ANK3: variants seen among roughly 807,000 people sequenced by gnomAD.
ANK3 encodes ankyrin 3.
In ANK3, 57 loss-of-function variants were observed where a neutral mutation model predicts 370.9. The ratio of observed to expected loss-of-function variants is 0.15; its 90% CI spans 0.12 to 0.19. The LOEUF (loss-of-function observed/expected upper bound fraction) is 0.19. Ranked by LOEUF, ANK3 falls within the 10% of genes least tolerant of loss-of-function variation. The probability of loss-of-function intolerance (pLI) is 1.00; values close to 1 mark genes in which losing one functional copy is unlikely to be tolerated. For synonymous variants in ANK3, 1,929 were observed against 1,946.3 expected, an observed-to-expected ratio of 0.99 and a Z score of 0.23; for missense variants, 4,439 against 5,302.1, an observed-to-expected ratio of 0.84 and a Z score of 5.06.
At chr10:60,676,295 A>G (rs1463691143) in intron 1 of ANK3, among the ~76,000 whole-genome samples, 1 of 152,170 alleles carries the variant, frequency 6.6e-6, no homozygotes, top group Non-Finnish European at 1.5e-5. Context: ...ACTAATAGAA[A>G]TTGGCTTAAA....
intron 38 of ANK3, among the ~76,000 whole-genome samples, chr10:60,067,204 A>G (rs1469390222): frequency 6.6e-6 from 1 of 152,190 alleles, no homozygotes; most frequent in Non-Finnish European, 1.5e-5. Context: ...TGAATTTTAT[A>G]GAATTCAACT....
At position 60,114,632 on chromosome 10, in the gene ANK3, CAT is replaced by C. The variant is rs375568226; in HGVS notation, c.2842-303_2842-302del. Among the ~76,000 whole-genome samples the C allele has an allele frequency of 5.1e-4, 77 of 152,328 alleles. 1 individual carries two copies. In the East Asian group the frequency reaches 8.3e-3, roughly 16 times the overall value. On this transcript the variant is annotated intron_variant, in intron 25 of 43. Transcript: ENST00000280772. ...TTTTAAGCACATGTCACATTTTCAA[CAT>C]GTCTTCAAATTAATCCTATAACAAC...
chr10:60,074,646 G>A lies in ANK3; in HGVS notation c.6235C>T (p.Leu2079Phe). Residue 2079 changes from leucine to phenylalanine, a missense_variant, in exon 37 of 44, where the codon CTC becomes TTC. By Grantham distance (22) the Leu-to-Phe change is conservative. Coordinates refer to ENST00000280772, the MANE Select transcript of ANK3 (RefSeq NM_020987.5). ...CTCATGGAGGCTGGAGGCATTTTGA[G>A]TTTGTGTTCCTGCAAAGCAATTGCT... ...KPAIALQEHK[L>F]KMPPASMRTS... The A allele has an allele frequency of 1.2e-6, 2 of 1,613,948 alleles. No homozygotes were observed. Among genetic ancestry groups the A allele is most frequent in the Non-Finnish European group, 1.7e-6 (2 of 1,179,960 alleles).
intron 2 of ANK3, among the ~76,000 whole-genome samples, chr10:60,548,155 A>C (rs998317709): frequency 1.3e-5 from 2 of 151,682 alleles, no homozygotes; most frequent in African/African-American, 4.8e-5. Flanking sequence ...AAATATCAAA[A>C]TACCTGTCTT....
intron 2 of ANK3, among the ~76,000 whole-genome samples, chr10:60,435,305 A>G (rs2064129468): frequency 6.6e-6 from 1 of 152,196 alleles, no homozygotes; most frequent in Non-Finnish European, 1.5e-5. Flanking sequence ...TACATTGGAA[A>G]TAATAATCCA....
chr10:60,626,088 A>T (rs1045163998), intron 1 of ANK3, among the ~76,000 whole-genome samples: 2 of 152,144 alleles, frequency 1.3e-5, no homozygotes, highest in Admixed American at 1.3e-4. Context: ...AATCCTCTGG[A>T]GCCCTTCTCA....
intron 16 of ANK3, among the ~76,000 whole-genome samples, chr10:60,192,668 T>C (rs1264296474): frequency 2.6e-5 from 4 of 152,148 alleles, no homozygotes; most frequent in African/African-American, 9.7e-5. Context: ...AAGAGTGGAA[T>C]AATAGACATT....
chr10:60,243,486 C>T (rs565347694), intron 7 of ANK3, among the ~76,000 whole-genome samples: 100 of 152,262 alleles, frequency 6.6e-4, no homozygotes, highest in African/African-American at 2.3e-3. Flanking sequence ...AAGGCCCTCA[C>T]CAGATGCAGC....
intron 2 of ANK3, among the ~76,000 whole-genome samples, chr10:60,484,541 A>AT (rs2075302594): frequency 6.6e-6 from 1 of 151,508 alleles, no homozygotes; most frequent in South Asian, 2.1e-4. Flanking sequence ...GGTTCATTAC[A>AT]TTATTCTCTG....
chr10:60,407,132 C>A (rs2063472260), intron 2 of ANK3, among the ~76,000 whole-genome samples: 1 of 152,200 alleles, frequency 6.6e-6, no homozygotes, highest in South Asian at 2.1e-4. Flanking sequence ...CTCTTTCTCA[C>A]ACTAAACTAG....
intron 2 of ANK3, among the ~76,000 whole-genome samples, chr10:60,550,771 T>C (rs1319232107): frequency 6.6e-6 from 1 of 152,126 alleles, no homozygotes; most frequent in Admixed American, 6.6e-5. Context: ...ATTGCTATAA[T>C]GAAGTGAATT....
chr10:60,579,232 G>A (rs1297519381), intron 2 of ANK3, among the ~76,000 whole-genome samples: 1 of 150,980 alleles, frequency 6.6e-6, no homozygotes, highest in African/African-American at 2.4e-5. Flanking sequence ...GGCTGAGGCA[G>A]GAGAATCGCT....
intron 29 of ANK3, among the ~76,000 whole-genome samples, chr10:60,087,823 AT>A (rs2087095863): frequency 6.6e-6 from 1 of 152,184 alleles, no homozygotes; most frequent in Admixed American, 6.5e-5. Context: ...ACTATAACTG[AT>A]TTTTATGATG....
Position 60,068,712 on chromosome 10 carries a change from T to C in ANK3, c.12169A>G (p.Lys4057Glu), listed in dbSNP as rs1564743518. 1 of 1,614,110 alleles carries C rather than the reference T, an allele frequency of 6.2e-7. No individual in the cohort carries two copies. The highest frequency in any genetic ancestry group is 8.5e-7 in the Non-Finnish European group (1 of 1,179,982). ...TTTAAAGGTGCTGCCTCTGTTTTCTTATCTCTAGCAGACTTCGTTGTAACC... is the reference window on the plus strand; with the variant it reads ...TTTAAAGGTGCTGCCTCTGTTTTCTCATCTCTAGCAGACTTCGTTGTAACC... ...PSVTTKSARD[K>E]KTEAAPLKSK... The change falls in exon 37 of 44, where the codon AAG becomes GAG. Residue 4057 changes from lysine (K) to glutamate (E), a missense_variant. Transcript: ENST00000280772.
At chr10:60,613,895 G>A (rs186415174) in intron 2 of ANK3, among the ~76,000 whole-genome samples, 297 of 152,250 alleles carry the variant, frequency 2.0e-3, no homozygotes, top group African/African-American at 6.7e-3. Context: ...CCAACCTGGC[G>A]AAACCCCATC....
chr10:60,280,699 A>G (rs6479709), intron 1 of ANK3, among the ~76,000 whole-genome samples: 39,505 of 152,150 alleles, frequency 0.26, 5,293 homozygotes, highest in South Asian at 0.31. Context: ...AGAGCAGCCA[A>G]AAACATCTTG....
chr10:60,090,947 C>T (rs189823914), intron 28 of ANK3, among the ~76,000 whole-genome samples: 75 of 152,212 alleles, frequency 4.9e-4, no homozygotes, highest in Admixed American at 2.4e-3. Context: ...CTCGCCGTGT[C>T]GCCCACGAGT....
At chr10:60,624,156 A>G (rs534173386) in intron 1 of ANK3, among the ~76,000 whole-genome samples, 2 of 152,238 alleles carry the variant, frequency 1.3e-5, no homozygotes, top group East Asian at 3.9e-4. Context: ...TCCATGATAC[A>G]ATTTACCTAC....
chr10:60,506,851 T>C (rs1272854885), intron 2 of ANK3, among the ~76,000 whole-genome samples: 1 of 152,132 alleles, frequency 6.6e-6, no homozygotes, highest in Non-Finnish European at 1.5e-5. Context: ...CCAAATTTTT[T>C]TTAAAAGGAC....
Sources: gnomAD v4.1 joint callset for allele counts (sites outside exome capture counted in the v4.1 genomes callset) on GRCh38, gnomAD v4.1.1 for gene constraint, MANE v1.5 for transcripts, NCBI Gene and HGNC (gene_info 2026-07-23, HGNC 2026-07-21) for gene names.